Variants in RFT1 observed in about 807,000 individuals in gnomAD.
The protein encoded by RFT1 is RFT1 glycolipid translocator homolog.
RFT1 carries 43 observed loss-of-function variants against 62.2 expected under a neutral mutation model. The ratio of observed to expected loss-of-function variants is 0.69; its 90% confidence interval spans 0.54 to 0.89. The LOEUF is 0.89. RFT1 is among the 40% of genes least tolerant of loss of function. The pLI is 0.00. For synonymous variants in RFT1, 262 were observed against 264.6 expected, an observed-to-expected ratio of 0.99 and a Z score of 0.10; for missense variants, 605 against 649.9, an observed-to-expected ratio of 0.93 and a Z score of 0.75.
chr3:53,092,319 C>T, intron 12 of RFT1, 50 bp downstream of exon 12: 1 of 1,573,474 alleles, frequency 6.4e-7, no homozygotes, highest in Non-Finnish European at 8.6e-7. Context: ...GCGGGAGAGA[C>T]AGCGGGGCAG....
chr3:53,126,032 C>T (rs373097144), intron 1 of RFT1, 38 bp from the exon 2 acceptor site: 25 of 1,496,802 alleles, frequency 1.7e-5, no homozygotes, highest in Middle Eastern at 1.7e-4. Flanking sequence ...GAATAAATGA[C>T]GTTAGAAGTG....
the RFT1 span, among the ~76,000 whole-genome samples, chr3:53,068,597 C>T: frequency 6.6e-6 from 1 of 152,056 alleles, no homozygotes; most frequent in African/African-American, 2.4e-5. Flanking sequence ...TAGACATTTT[C>T]CAACATAACA....
intron 6 of RFT1, 50 bp downstream of exon 6, chr3:53,119,834 T>C: frequency 6.7e-7 from 1 of 1,501,754 alleles, no homozygotes; most frequent in Non-Finnish European, 9.1e-7. Context: ...CTCTCAAGGA[T>C]AAGCAGCACC....
chr3:53,092,723 C>T, intron 11 of RFT1, 105 bp from the exon 12 acceptor site: 2 of 1,364,158 alleles, frequency 1.5e-6, no homozygotes, highest in South Asian at 2.6e-5. Flanking sequence ...AACCTGAGCT[C>T]CTGGAATCCA....
intron 4 of RFT1, among the ~76,000 whole-genome samples, 181 bp from the exon 5 acceptor site, chr3:53,121,981 C>T (rs1701982610): frequency 6.6e-6 from 1 of 152,072 alleles, no homozygotes; most frequent in Admixed American, 6.6e-5. Context: ...ATGGATCTTT[C>T]AGTATATTAT....
At chr3:53,129,173 T>G (rs1387076495) in intron 1 of RFT1, among the ~76,000 whole-genome samples, 1 of 152,240 alleles carries the variant, frequency 6.6e-6, no homozygotes, top group Non-Finnish European at 1.5e-5. Context: ...ACATATCACG[T>G]GCAAGGCACT....
At chr3:53,070,434 C>T in the RFT1 span, among the ~76,000 whole-genome samples, 5 of 118,274 alleles carry the variant, frequency 4.2e-5, no homozygotes, top group Non-Finnish European at 8.2e-5. Flanking sequence ...CGGAGTCTCA[C>T]TCTGTCGCCC....
In RFT1 at chr3:53,122,460, C is replaced by T; in HGVS notation, c.370G>A (p.Val124Met). The T allele has an allele frequency of 6.2e-7, 1 of 1,614,026 alleles. No homozygotes were observed. The highest frequency in any genetic ancestry group is 8.5e-7 in the Non-Finnish European group (1 of 1,180,008). ...NVVPHYATGV[V>M]LFGLSAVVEL... is the part of the protein sequence containing the mutation. Reference sequence around the variant, plus strand: ...ACCACTGCCGAGAGACCAAACAGCACCACTCCAGTTGCATAGTGAGGGACA... The same window carrying T: ...ACCACTGCCGAGAGACCAAACAGCATCACTCCAGTTGCATAGTGAGGGACA... The change falls in exon 4 of 13, where the codon GTG (valine) becomes ATG (methionine). Residue 124 changes from valine (V) to methionine (M), a missense_variant. Physicochemically the swap from Val to Met is conservative, Grantham distance 21 (BLOSUM62 1). Transcript: ENST00000296292.
chr3:53,093,709 C>T (rs950241805), intron 11 of RFT1, among the ~76,000 whole-genome samples: 7 of 151,616 alleles, frequency 4.6e-5, no homozygotes, highest in African/African-American at 1.7e-4. Flanking sequence ...AGCTAGTAGA[C>T]CCCCGTCTCT....
chr3:53,102,941 C>T (rs78454390), intron 10 of RFT1, among the ~76,000 whole-genome samples: 2,162 of 152,268 alleles, frequency 0.014, 49 homozygotes, highest in African/African-American at 0.049. Context: ...ACAGAATAGT[C>T]GAGTTCCCAA....
chr3:53,084,938 C>CA (rs1012022733), downstream of RFT1, among the ~76,000 whole-genome samples: 2 of 152,232 alleles, frequency 1.3e-5, no homozygotes, highest in Non-Finnish European at 2.9e-5. Context: ...GACTGGCCTA[C>CA]ACCTAGCAAA....
At chr3:53,075,938 G>T in the RFT1 span, among the ~76,000 whole-genome samples, 3 of 152,172 alleles carry the variant, frequency 2.0e-5, no homozygotes, top group Non-Finnish European at 4.4e-5. Flanking sequence ...CAAGTTTAAG[G>T]GGAAGTTAAC....
At chr3:53,096,782 T>C (rs1033449826) in intron 11 of RFT1, among the ~76,000 whole-genome samples, 2 of 152,184 alleles carry the variant, frequency 1.3e-5, no homozygotes, top group Non-Finnish European at 2.9e-5. Flanking sequence ...AATCTCTCTG[T>C]TGCCTAGGCT....
At chr3:53,100,808 G>T (rs1168574456) in intron 10 of RFT1, among the ~76,000 whole-genome samples, 1 of 152,146 alleles carries the variant, frequency 6.6e-6, no homozygotes, top group African/African-American at 2.4e-5. Context: ...GGTCCCAAAA[G>T]AACTTTCTGG....
At chr3:53,099,610 C>A in intron 10 of RFT1, 124 bp from the exon 11 acceptor site, 1 of 734,820 alleles carries the variant, frequency 1.4e-6, no homozygotes, top group Non-Finnish European at 2.5e-6. Flanking sequence ...CAGCAATGGG[C>A]AGACTGCATG....
chr3:53,075,451 C>T, the RFT1 span, among the ~76,000 whole-genome samples: 1 of 152,220 alleles, frequency 6.6e-6, no homozygotes, highest in African/African-American at 2.4e-5. Flanking sequence ...CCTTGAGGTA[C>T]AGCCTCTGGC....
chr3:53,072,844 A>G, the RFT1 span, among the ~76,000 whole-genome samples: 1 of 152,220 alleles, frequency 6.6e-6, no homozygotes, highest in Non-Finnish European at 1.5e-5. Flanking sequence ...CCTGCCCTCT[A>G]GTGGCTGCCG....
chr3:53,092,325 G>A, intron 12 of RFT1, 44 bp downstream of exon 12: 1 of 1,577,228 alleles, frequency 6.3e-7, no homozygotes, highest in Non-Finnish European at 8.6e-7. Flanking sequence ...GAGACAGCGG[G>A]GCAGCTGCAG....
At chr3:53,127,675 G>C (rs1050330536) in intron 1 of RFT1, among the ~76,000 whole-genome samples, 1 of 146,924 alleles carries the variant, frequency 6.8e-6, no homozygotes, top group African/African-American at 2.5e-5. Context: ...AAAAAGAAAA[G>C]AAAATCCCAA....
Sources: gnomAD v4.1 joint callset for allele counts (sites outside exome capture counted in the v4.1 genomes callset) on GRCh38, gnomAD v4.1.1 for gene constraint, MANE v1.5 for transcripts, NCBI Gene and HGNC (gene_info 2026-07-23, HGNC 2026-07-21) for gene names.